TNN: variants seen among roughly 807,000 people sequenced by gnomAD.
TNN encodes tenascin N.
A neutral mutation model predicts 134.4 loss-of-function variants in TNN; 122 were observed. The observed-to-expected ratio is 0.91, with a 90% CI of 0.78 to 1.06. The LOEUF (loss-of-function observed/expected upper bound fraction) is 1.06. Among genes scored for constraint, TNN ranks in the 50% least tolerant of loss-of-function variants. The pLI, the probability that TNN is intolerant of heterozygous loss-of-function variation, is 0.00. For missense variants in TNN, 1,739 were observed against 1,699.4 expected (o/e 1.02, Z -0.41); for synonymous variants, 710 against 670.3 (o/e 1.06, Z -0.91).
chr1:175,137,363 A>AGTGTGC (rs1553320239), intron 17 of TNN, among the ~76,000 whole-genome samples: 5 of 62,606 alleles, frequency 8.0e-5, no homozygotes, highest in African/African-American at 2.4e-4. Flanking sequence ...TCTGCACAGT[A>AGTGTGC]GTGTGTGTGT....
chr1:175,077,318 T>TAA (rs112462550), intron 1 of TNN, 66 bp from the exon 2 acceptor site: 35,725 of 1,236,920 alleles, frequency 0.029, 885 homozygotes, highest in African/African-American at 0.16. Context: ...TAGAATCTGG[T>TAA]AAAAAAAAAG....
chr1:175,118,856 G>A, intron 11 of TNN, 32 bp downstream of exon 11: 1 of 1,611,870 alleles, frequency 6.2e-7, no homozygotes, highest in East Asian at 2.2e-5. Flanking sequence ...GCAAACCCGG[G>A]TAGTAGCTGC....
chr1:175,080,419 C>T lies in TNN; in HGVS notation c.1041C>T (p.Ala347=). Residue 347 remains alanine, a synonymous_variant, in exon 4 of 19, where the codon GCC becomes GCT. Transcript: ENST00000239462. ...CTAGCAGCCCACAGCATCTACTTGCCACCACAGGTGAGGAAGCCACCTGAT... is the reference window on the plus strand; with the variant it reads ...CTAGCAGCCCACAGCATCTACTTGCTACCACAGGTGAGGAAGCCACCTGAT... ...EVSSSPQHLL[A]TTDLAVLGTA... 1 of 1,613,898 alleles carries T rather than the reference C, an allele frequency of 6.2e-7. No individual in the cohort carries two copies.
chr1:175,133,971 C>T lies in TNN; in HGVS notation c.3331-1874C>T, dbSNP rs76947687. ...GAACCCACCCACACACAAAAGGCTC[C>T]CACCTACAGCCTTTTGGCTGCAAAC... On this transcript the variant is annotated intron_variant, in intron 15 of 18. Coordinates refer to ENST00000239462, the MANE Select transcript of TNN (RefSeq NM_022093.2). 3.0e-3 allele frequency among the ~76,000 whole-genome samples: 457 copies of T among 152,248 alleles called. 3 individuals are homozygous for T. The highest frequency in any genetic ancestry group is 9.2e-3 in the African/African-American group (382 of 41,538).
In TNN at chr1:175,103,691, GTC is replaced by G. The variant is rs757292809; in HGVS notation, c.2119+5100_2119+5101del. Among the ~76,000 whole-genome samples the G allele has an allele frequency of 5.5e-5, 7 of 127,528 alleles. 1 individual carries two copies. Among genetic ancestry groups the G allele is most frequent in the Non-Finnish European group, 1.2e-4 (7 of 59,110 alleles). The allele number at this position is 127,528 out of a possible 152,430, so 83.7% of individuals were successfully genotyped here. Reference sequence around the variant, plus strand: ...TCCCTCTTTCTGACTCCTTTTTTTTGTCTCTGTTTCTGACTACCTCTTTGACT... The same window carrying G: ...TCCCTCTTTCTGACTCCTTTTTTTTGTCTGTTTCTGACTACCTCTTTGACT... On this transcript the variant is annotated intron_variant, in intron 9 of 18. Coordinates refer to ENST00000239462, the MANE Select transcript of TNN (RefSeq NM_022093.2).
intron 1 of TNN, among the ~76,000 whole-genome samples, chr1:175,071,375 C>T (rs1673910934): frequency 6.6e-6 from 1 of 152,198 alleles, no homozygotes; most frequent in Non-Finnish European, 1.5e-5. Flanking sequence ...CCATCCTCCT[C>T]CCTTGGCCAA....
rs1263220450 is a variant in TNN at position 175,106,963 on chromosome 1, C to T, written c.2119+8368C>T. Among the ~76,000 whole-genome samples the T allele has an allele frequency of 2.1e-5, 3 of 145,906 alleles. 1 individual carries two copies. Among genetic ancestry groups the T allele is most frequent in the Non-Finnish European group, 4.6e-5 (3 of 65,798 alleles). Reference sequence around the variant, plus strand: ...TGACAGATGCCCGGTATTTAGCCCCCGAATTCTAAAGAAAGATAGGACAGA... The same window carrying T: ...TGACAGATGCCCGGTATTTAGCCCCTGAATTCTAAAGAAAGATAGGACAGA... On this transcript the variant is annotated intron_variant, in intron 9 of 18. Coordinates refer to ENST00000239462, the MANE Select transcript of TNN (RefSeq NM_022093.2).
chr1:175,095,966 G>A (rs1345258769), intron 7 of TNN, among the ~76,000 whole-genome samples: 1 of 152,244 alleles, frequency 6.6e-6, no homozygotes. Context: ...CTGGAGGGTG[G>A]CATTGCCACT....
Position 175,080,201 on chromosome 1 carries a change from G to T in TNN, c.823G>T (p.Glu275Ter). 2.5e-6 allele frequency: 4 copies of T among 1,614,092 alleles called. No individual in the cohort carries two copies. Among genetic ancestry groups the T allele is most frequent in the Non-Finnish European group, 3.4e-6 (4 of 1,180,020 alleles). Residue 275 changes from glutamate (E) to a stop codon, truncating the protein, a stop_gained, in exon 4 of 19, where the codon GAG becomes TAG. Transcript: ENST00000239462. LOFTEE classifies it high-confidence loss of function. ...GGGCCTGCAGCTGCTCAAGAACACG[G>T]AGGATTCTCTGCTGGTGAGCTGGGA... is the stretch of plus-strand genomic sequence containing the variant. ...PQGLQLLKNT[E>*]DSLLVSWEPS... is the part of the protein sequence containing the mutation.
chr1:175,125,542 C>T (rs1268814419), intron 12 of TNN, among the ~76,000 whole-genome samples: 1 of 151,730 alleles, frequency 6.6e-6, no homozygotes, highest in Non-Finnish European at 1.5e-5. Context: ...TCTTCCCTCC[C>T]CCACCTCTTC....
chr1:175,123,554 C>G lies in TNN; in HGVS notation c.2805C>G (p.His935Gln). 14 of 1,614,044 alleles carry G rather than the reference C, an allele frequency of 8.7e-6. No individual in the cohort carries two copies. Among genetic ancestry groups the G allele is most frequent in the Non-Finnish European group, 1.1e-5 (13 of 1,179,930 alleles). The change falls in exon 12 of 19, where the codon CAC (histidine) becomes CAG (glutamine). Residue 935 changes from histidine (H) to glutamine (Q), a missense_variant. His to Gln is a conservative substitution (Grantham distance 24). Transcript: ENST00000239462. ...GGGAGGTTCCGGTGGGGAAGGAGCA[C>G]AGCAGCACTGTCCTGACGGGCCTGA... is the stretch of plus-strand genomic sequence containing the variant. ...ETREVPVGKE[H>Q]SSTVLTGLRP...
At chr1:175,096,274 G>C (rs938228872) in intron 7 of TNN, among the ~76,000 whole-genome samples, 2 of 152,246 alleles carry the variant, frequency 1.3e-5, no homozygotes, top group Non-Finnish European at 2.9e-5. Context: ...CAGAGGCTAA[G>C]TTGTGAGAAT....
In TNN at chr1:175,097,485, C is replaced by T. The variant is rs756576017; in HGVS notation, c.1657C>T (p.Pro553Ser). The T allele has an allele frequency of 2.0e-5, 32 of 1,614,190 alleles. No homozygotes were observed. In the South Asian group the frequency reaches 3.1e-4, roughly 16 times the overall value. Residue 553 changes from proline to serine, a missense_variant, in exon 8 of 19, where the codon CCG (proline) becomes TCG (serine). Coordinates refer to ENST00000239462, the MANE Select transcript of TNN (RefSeq NM_022093.2). ...GAATACCGCCACCATCTCCTGGGAC[C>T]CGGTACAGGCCACCATTGACAAGTA... The part of the protein sequence containing the change: ...TENTATISWD[P>S]VQATIDKYVV...
At chr1:175,140,710 A>AT (rs1231662168) in intron 17 of TNN, among the ~76,000 whole-genome samples, 2 of 152,216 alleles carry the variant, frequency 1.3e-5, no homozygotes, top group East Asian at 3.8e-4. Flanking sequence ...TAATAGAATT[A>AT]TTTTTTAATA....
chr1:175,078,261 C>G (rs931420410), intron 2 of TNN, among the ~76,000 whole-genome samples: 8 of 152,070 alleles, frequency 5.3e-5, no homozygotes, highest in African/African-American at 1.9e-4. Flanking sequence ...CCTCAACTGT[C>G]CAACAGGGAT....
intron 13 of TNN, among the ~76,000 whole-genome samples, chr1:175,127,564 C>T (rs1675562635): frequency 6.6e-6 from 1 of 152,164 alleles, no homozygotes; most frequent in African/African-American, 2.4e-5. Context: ...AAGGTTAGCC[C>T]TATGTTTATA....
chr1:175,080,289 G>A lies in TNN; in HGVS notation c.911G>A (p.Gly304Glu). 1 of 1,614,068 alleles carries A rather than the reference G, an allele frequency of 6.2e-7. No individual in the cohort carries two copies. The highest frequency in any genetic ancestry group is 8.5e-7 in the Non-Finnish European group (1 of 1,179,992). ...SYYPLGKELS[G>E]KQIQVPKEQH... ...TACCCCCTGGGGAAGGAGCTCTCTG[G>A]GAAGCAGATCCAAGTGCCCAAGGAG... The change falls in exon 4 of 19, where the codon GGG (glycine) becomes GAG (glutamate). Residue 304 changes from glycine to glutamate, a missense_variant. Transcript: ENST00000239462.
chr1:175,086,409 G>GA (rs953852860), intron 6 of TNN, among the ~76,000 whole-genome samples: 33 of 152,308 alleles, frequency 2.2e-4, no homozygotes, highest in African/African-American at 7.9e-4. Flanking sequence ...GTAACTTTTA[G>GA]TTTTTAAACC....
chr1:175,134,080 G>A lies in TNN; in HGVS notation c.3331-1765G>A, dbSNP rs1205313550. Reference sequence around the variant, plus strand: ...GTTCCTGGGAAGAGGAAAGTGAACTGAGACTCAGTGAACTCCTAGCATTGC... The same window carrying A: ...GTTCCTGGGAAGAGGAAAGTGAACTAAGACTCAGTGAACTCCTAGCATTGC... On this transcript the variant is annotated intron_variant, in intron 15 of 18. Coordinates refer to ENST00000239462, the MANE Select transcript of TNN (RefSeq NM_022093.2). 5.3e-5 allele frequency among the ~76,000 whole-genome samples: 8 copies of A among 152,290 alleles called. No homozygotes were observed. In the East Asian group the frequency reaches 1.5e-3, roughly 29 times the overall value.
Sources: gnomAD v4.1 joint callset for allele counts (sites outside exome capture counted in the v4.1 genomes callset) on GRCh38, gnomAD v4.1.1 for gene constraint, MANE v1.5 for transcripts, NCBI Gene and HGNC (gene_info 2026-07-23, HGNC 2026-07-21) for gene names.